Variants in TBCD observed in about 807,000 individuals in gnomAD.
TBCD encodes the protein tubulin-specific chaperone D.
In TBCD, 105 loss-of-function variants were observed where a neutral mutation model predicts 169.3. The observed-to-expected ratio is 0.62, with a 90% CI of 0.53 to 0.73. The LOEUF (loss-of-function observed/expected upper bound fraction) is 0.73, where lower values mean the gene tolerates loss of function less well. TBCD is among the 30% of genes least tolerant of loss of function. The probability of loss-of-function intolerance (pLI) is 0.00; values close to 1 mark genes in which losing one functional copy is unlikely to be tolerated. For synonymous variants in TBCD, 700 were observed against 643.9 expected (o/e 1.09, Z -1.32); for missense variants, 1,444 against 1,600.1 (o/e 0.90, Z 1.66).
rs1189982210 is a variant in TBCD at position 82,915,759 on chromosome 17, G to A, written c.2038+3970G>A. 1.3e-5 allele frequency among the ~76,000 whole-genome samples: 2 copies of A among 152,210 alleles called. No individual in the cohort carries two copies. Among genetic ancestry groups the A allele is most frequent in the African/African-American group, 4.8e-5 (2 of 41,456 alleles). ...AGAGGCGTCACGAGAATCAGGAAAA[G>A]TTCTCCTCTCATGCCGAAGACGGGA... On this transcript the variant is annotated intron_variant, in intron 23 of 38. Coordinates refer to ENST00000355528, the MANE Select transcript of TBCD (RefSeq NM_005993.5). The surrounding 1 kb of genome is among the most constrained non-coding windows in gnomAD (Gnocchi z 4.3).
At chr17:82,796,833 C>T (rs1346120345) in intron 7 of TBCD, among the ~76,000 whole-genome samples, 1 of 152,182 alleles carries the variant, frequency 6.6e-6, no homozygotes, top group African/African-American at 2.4e-5. Context: ...GTTCATAATG[C>T]AAATAAAAGA....
chr17:82,771,699 G>A (rs77367063), intron 5 of TBCD, among the ~76,000 whole-genome samples: 184 of 152,252 alleles, frequency 1.2e-3, no homozygotes, highest in Middle Eastern at 6.8e-3. Flanking sequence ...GATTACAGGC[G>A]TGAGCCGCAG....
intron 7 of TBCD, among the ~76,000 whole-genome samples, chr17:82,786,585 C>G (rs892049431): frequency 2.6e-5 from 4 of 152,228 alleles, no homozygotes; most frequent in African/African-American, 4.8e-5. Context: ...GGGGCTGGAG[C>G]CAGCTGTGGC....
chr17:82,847,355 A>AG (rs370033274), intron 13 of TBCD, among the ~76,000 whole-genome samples: 2,858 of 126,260 alleles, frequency 0.023, 62 homozygotes, highest in African/African-American at 0.078. Flanking sequence ...TCCATGTCAA[A>AG]GAAAAAAAAA....
intron 13 of TBCD, among the ~76,000 whole-genome samples, chr17:82,834,531 C>G (rs1048056993): frequency 6.6e-6 from 1 of 152,126 alleles, no homozygotes; most frequent in Non-Finnish European, 1.5e-5. Flanking sequence ...GAATACTGTG[C>G]AGCCATAAAA....
At chr17:82,791,605 G>T (rs1038955280) in intron 7 of TBCD, among the ~76,000 whole-genome samples, 1 of 152,238 alleles carries the variant, frequency 6.6e-6, no homozygotes, top group Non-Finnish European at 1.5e-5. Context: ...TGTGCAGAAT[G>T]AGCTCGGAAT....
intron 25 of TBCD, 66 bp downstream of exon 25, chr17:82,921,643 G>A: frequency 2.0e-6 from 3 of 1,479,612 alleles, no homozygotes; most frequent in South Asian, 2.3e-5. Flanking sequence ...CACGGATGGT[G>A]TTTGTGTTGG....
rs973377429 is a variant in TBCD, at chr17:82,864,740, T to C, written c.1319-5484T>C. Among the ~76,000 whole-genome samples, 3 of 151,800 alleles carry C rather than the reference T, an allele frequency of 2.0e-5. No individual in the cohort carries two copies. Among genetic ancestry groups the C allele is most frequent in the Non-Finnish European group, 4.4e-5 (3 of 67,916 alleles). ...GAGGCCGGGGTTGTGCTTGGGGCAC[T>C]GGGGGAGAGCAGAGCAGGTGATGCA... On this transcript the variant is annotated intron_variant, in intron 13 of 38. Coordinates refer to ENST00000355528, the MANE Select transcript of TBCD (RefSeq NM_005993.5). This position sits in a 1 kb window ranked among gnomAD's most constrained non-coding sequence, Gnocchi z 6.3.
intron 36 of TBCD, 163 bp from the exon 37 acceptor site, chr17:82,939,204 C>T (rs1225600710): frequency 1.5e-6 from 1 of 656,454 alleles, no homozygotes; most frequent in African/African-American, 1.8e-5. Flanking sequence ...TGGAAGGCAC[C>T]TCCTCTTGGT....
At chr17:82,770,263 T>C (rs2048236398) in intron 5 of TBCD, among the ~76,000 whole-genome samples, 1 of 152,208 alleles carries the variant, frequency 6.6e-6, no homozygotes, top group Non-Finnish European at 1.5e-5. Flanking sequence ...TTCTCTCTGA[T>C]AGATGGATGT....
intron 1 of TBCD, among the ~76,000 whole-genome samples, chr17:82,753,449 T>TTC (rs1397234775): frequency 4.2e-5 from 3 of 71,324 alleles, no homozygotes; most frequent in Non-Finnish European, 9.5e-5. Context: ...GCTTCTTCCT[T>TTC]TTTTTTTTTT....
rs542807237 is a variant in TBCD at position 82,829,833 on chromosome 17, T to A, written c.1318+14899T>A. On this transcript the variant is annotated intron_variant, in intron 13 of 38. Coordinates refer to ENST00000355528, the MANE Select transcript of TBCD (RefSeq NM_005993.5). ...CAGTTAAAACAATTTGTTGTAATGG[T>A]GAGATATTTATAAGGAAACATTTAT... 4 of 382,680 alleles carry A rather than the reference T, an allele frequency of 1.0e-5. No homozygotes were observed. The South Asian group carries it at 1.6e-4, about 15-fold the overall frequency. The allele number at this position is 382,680 out of a possible 1,614,324, so 23.7% of individuals were successfully genotyped here.
rs532815631 is a variant in TBCD at position 82,768,588 on chromosome 17, A to C, written c.582+22A>C. 4 of 1,612,214 alleles carry C rather than the reference A, an allele frequency of 2.5e-6. No homozygotes were observed. In the South Asian group the frequency reaches 4.4e-5, roughly 18 times the overall value. ...AGAGGTAAATATCATGCAGATAATTAGCTGCTAATTAGTACTCACTTTCAT... is the reference window on the plus strand; with the variant it reads ...AGAGGTAAATATCATGCAGATAATTCGCTGCTAATTAGTACTCACTTTCAT... On this transcript the variant is annotated intron_variant, in intron 5 of 38. Coordinates refer to ENST00000355528, the MANE Select transcript of TBCD (RefSeq NM_005993.5).
intron 30 of TBCD, among the ~76,000 whole-genome samples, chr17:82,928,709 C>G (rs1599639398): frequency 6.6e-6 from 1 of 152,074 alleles, no homozygotes; most frequent in Non-Finnish European, 1.5e-5. Flanking sequence ...CTCTTTCCCC[C>G]TCCCCATCTC....
chr17:82,825,518 T>G (rs1271140222), intron 13 of TBCD, among the ~76,000 whole-genome samples: 1 of 152,188 alleles, frequency 6.6e-6, no homozygotes, highest in Non-Finnish European at 1.5e-5. Context: ...CGTCTGACCG[T>G]GTGCCTTTTA....
intron 13 of TBCD, chr17:82,838,912 T>C: frequency 1.0e-6 from 1 of 985,436 alleles, no homozygotes; most frequent in Non-Finnish European, 1.2e-6. Flanking sequence ...AGGCCTTTGC[T>C]AATGCGCAGT....
At chr17:82,878,094 T>C (rs896292661) in intron 14 of TBCD, among the ~76,000 whole-genome samples, 3 of 152,240 alleles carry the variant, frequency 2.0e-5, no homozygotes, top group Non-Finnish European at 2.9e-5. Flanking sequence ...CATTCTCCGA[T>C]GTGAACATCT....
At chr17:82,805,177 C>T (rs1157031234) in intron 9 of TBCD, among the ~76,000 whole-genome samples, 1 of 152,262 alleles carries the variant, frequency 6.6e-6, no homozygotes, top group Non-Finnish European at 1.5e-5. Context: ...CTGACGGCTC[C>T]TCACACAGCT....
chr17:82,756,328 T>C, intron 2 of TBCD, 113 bp downstream of exon 2: 1 of 1,125,896 alleles, frequency 8.9e-7, no homozygotes, highest in Non-Finnish European at 1.3e-6. Context: ...CCAAGAAGTG[T>C]CCCTGTCTTG....
Sources: gnomAD v4.1 joint callset for allele counts (sites outside exome capture counted in the v4.1 genomes callset) on GRCh38, gnomAD v4.1.1 for gene constraint, Gnocchi (gnomAD v3.1) non-coding constraint, MANE v1.5 for transcripts, NCBI Gene and HGNC (gene_info 2026-07-23, HGNC 2026-07-21) for gene names.